The following ATP8A2 variants were observed in gnomAD, a reference collection of about 807,000 sequenced individuals.
The protein encoded by ATP8A2 is phospholipid-transporting ATPase IB.
A neutral mutation model predicts 165.6 loss-of-function variants in ATP8A2; 100 were observed. The ratio of observed to expected loss-of-function variants is 0.60; its 90% CI spans 0.51 to 0.71. The LOEUF (loss-of-function observed/expected upper bound fraction) is 0.71, where lower values mean the gene tolerates loss of function less well. Among genes scored for constraint, ATP8A2 ranks in the 30% least tolerant of loss-of-function variants. ATP8A2 has a pLI of 0.00. For missense variants in ATP8A2, 1,227 were observed against 1,479.5 expected (o/e 0.83, Z 2.80); for synonymous variants, 543 against 548.8 (o/e 0.99, Z 0.15).
chr13:25,780,271 T>C (rs1220480140), intron 27 of ATP8A2, among the ~76,000 whole-genome samples: 1 of 152,184 alleles, frequency 6.6e-6, no homozygotes, highest in African/African-American at 2.4e-5. Flanking sequence ...TAGTTGGTGG[T>C]TCCTAATACA....
intron 19 of ATP8A2, 93 bp from the exon 20 acceptor site, chr13:25,576,976 C>G (rs2039635083): frequency 1.0e-6 from 1 of 999,240 alleles, no homozygotes; most frequent in African/African-American, 1.6e-5. Flanking sequence ...TTTTAGGAAC[C>G]CCAGACCCCC....
intron 2 of ATP8A2, among the ~76,000 whole-genome samples, chr13:25,476,359 C>T (rs974447601): frequency 4.0e-5 from 6 of 151,878 alleles, no homozygotes; most frequent in African/African-American, 1.2e-4. Flanking sequence ...GAACTCCACT[C>T]ATTGCAAACC....
intron 24 of ATP8A2, among the ~76,000 whole-genome samples, chr13:25,689,304 A>G (rs370539220): frequency 6.6e-6 from 1 of 152,232 alleles, no homozygotes; most frequent in Non-Finnish European, 1.5e-5. Flanking sequence ...CTGACAGAAC[A>G]TATATTAACA....
intron 33 of ATP8A2, among the ~76,000 whole-genome samples, chr13:25,910,168 G>A (rs1481300104): frequency 6.6e-6 from 1 of 152,096 alleles, no homozygotes; most frequent in Non-Finnish European, 1.5e-5. Flanking sequence ...CCTATAATAG[G>A]TAATACTTTT....
chr13:25,554,477 T>C (rs2138073161), intron 12 of ATP8A2, among the ~76,000 whole-genome samples: 1 of 152,180 alleles, frequency 6.6e-6, no homozygotes, highest in South Asian at 2.1e-4. Flanking sequence ...AATGATTATT[T>C]TGAAATCAAA....
At chr13:25,748,626 A>G (rs1237378574) in intron 25 of ATP8A2, among the ~76,000 whole-genome samples, 1 of 152,160 alleles carries the variant, frequency 6.6e-6, no homozygotes, top group Non-Finnish European at 1.5e-5. Flanking sequence ...GTGCTGGTAA[A>G]TTAATCAAAA....
At chr13:25,664,836 G>T (rs1343296512) in intron 24 of ATP8A2, among the ~76,000 whole-genome samples, 1 of 152,044 alleles carries the variant, frequency 6.6e-6, no homozygotes, top group Non-Finnish European at 1.5e-5. Flanking sequence ...TTTCCTTGCG[G>T]TAACATGGGA....
At chr13:25,928,196 A>G (rs1226610239) in intron 33 of ATP8A2, among the ~76,000 whole-genome samples, 5 of 152,228 alleles carry the variant, frequency 3.3e-5, no homozygotes, top group Admixed American at 2.0e-4. Flanking sequence ...GCAGATGGCC[A>G]GGGGGCCTGT....
chr13:25,983,265 A>T (rs978353674), intron 35 of ATP8A2, among the ~76,000 whole-genome samples: 2 of 152,220 alleles, frequency 1.3e-5, no homozygotes, highest in Non-Finnish European at 2.9e-5. Flanking sequence ...TACTTACACC[A>T]TGAAGAACAA....
chr13:26,008,023 T>C (rs1956776982), intron 35 of ATP8A2, among the ~76,000 whole-genome samples: 1 of 152,174 alleles, frequency 6.6e-6, no homozygotes, highest in South Asian at 2.1e-4. Flanking sequence ...AAGCCCATGC[T>C]TATATGAGAG....
intron 35 of ATP8A2, among the ~76,000 whole-genome samples, chr13:25,993,496 A>T (rs577761970): frequency 6.6e-6 from 1 of 152,310 alleles, no homozygotes; most frequent in African/African-American, 2.4e-5. Flanking sequence ...TTTATATTTT[A>T]CTTTCAAGTA....
intron 16 of ATP8A2, among the ~76,000 whole-genome samples, chr13:25,570,097 A>G (rs1264912394): frequency 6.6e-6 from 1 of 152,214 alleles, no homozygotes; most frequent in Non-Finnish European, 1.5e-5. Flanking sequence ...TATTAAATAC[A>G]TATCCAGGGC....
At chr13:25,615,148 C>T (rs1363922845) in intron 24 of ATP8A2, among the ~76,000 whole-genome samples, 3 of 152,104 alleles carry the variant, frequency 2.0e-5, no homozygotes, top group African/African-American at 7.2e-5. Context: ...TAGAGAAAGA[C>T]CATCAGGTGA....
At chr13:25,957,982 GGAAAC>G (rs1955565543) in intron 33 of ATP8A2, among the ~76,000 whole-genome samples, 1 of 151,996 alleles carries the variant, frequency 6.6e-6, no homozygotes, top group Non-Finnish European at 1.5e-5. Flanking sequence ...GGTTGAAGCT[GGAAAC>G]CATCATTCTC....
At chr13:25,974,902 G>A (rs1955997415) in intron 35 of ATP8A2, among the ~76,000 whole-genome samples, 1 of 152,026 alleles carries the variant, frequency 6.6e-6, no homozygotes, top group Non-Finnish European at 1.5e-5. Flanking sequence ...GACATCCTTT[G>A]TGAAGCACAG....
intron 10 of ATP8A2, among the ~76,000 whole-genome samples, chr13:25,548,407 C>T (rs1349388527): frequency 6.6e-6 from 1 of 152,094 alleles, no homozygotes; most frequent in Non-Finnish European, 1.5e-5. Flanking sequence ...TCTAATCCTC[C>T]TAATTGGCCA....
At chr13:25,553,328 C>T (rs886472319) in intron 11 of ATP8A2, among the ~76,000 whole-genome samples, 6 of 152,166 alleles carry the variant, frequency 3.9e-5, no homozygotes, top group African/African-American at 1.4e-4. Context: ...GGGCTCAAGC[C>T]TTCTCTCTCT....
chr13:25,523,272 C>CT (rs71077476), intron 2 of ATP8A2, among the ~76,000 whole-genome samples: 42,818 of 135,678 alleles, frequency 0.32, 7,652 homozygotes, highest in Middle Eastern at 0.43. Context: ...TTTAGGATAA[C>CT]TTTTTTTTTT....
At chr13:25,580,446 C>G (rs1468466085) in intron 22 of ATP8A2, among the ~76,000 whole-genome samples, 1 of 152,138 alleles carries the variant, frequency 6.6e-6, no homozygotes, top group Non-Finnish European at 1.5e-5. Context: ...TATTGGTTTC[C>G]TTCAAGTGTG....
Sources: gnomAD v4.1 joint callset for allele counts (sites outside exome capture counted in the v4.1 genomes callset) on GRCh38, gnomAD v4.1.1 for gene constraint, MANE v1.5 for transcripts, NCBI Gene and HGNC (gene_info 2026-07-23, HGNC 2026-07-21) for gene names.